Variants in ASNS observed in about 807,000 individuals in gnomAD.
The protein encoded by ASNS is asparagine synthetase (glutamine-hydrolyzing), also known as asparagine synthetase [glutamine-hydrolyzing].
ASNS carries 37 observed loss-of-function variants against 62.6 expected under a neutral mutation model. The observed-to-expected ratio is 0.59, with a 90% CI of 0.45 to 0.78. ASNS has a LOEUF of 0.78. Ranked by LOEUF, ASNS falls within the 30% of genes least tolerant of loss-of-function variation. The pLI is 0.00. For synonymous variants in ASNS, 207 were observed against 237.9 expected, an observed-to-expected ratio of 0.87 and a Z score of 1.19; for missense variants, 520 against 682.4, an observed-to-expected ratio of 0.76 and a Z score of 2.65.
At chr7:97,868,519 A>ATGTGTG (rs61611439) in intron 3 of ASNS, among the ~76,000 whole-genome samples, 11,660 of 122,906 alleles carry the variant, frequency 0.095, 486 homozygotes, top group East Asian at 0.14. Flanking sequence ...CAGCAAAAAC[A>ATGTGTG]TGTGTGTGTG....
the ASNS span, among the ~76,000 whole-genome samples, chr7:97,886,474 C>A: frequency 1.3e-5 from 2 of 152,188 alleles, no homozygotes; most frequent in Admixed American, 6.5e-5. Context: ...TACCTGCTCC[C>A]TTCACCAGGA....
chr7:97,902,743 C>CA, the ASNS span, among the ~76,000 whole-genome samples: 3 of 151,986 alleles, frequency 2.0e-5, no homozygotes, highest in African/African-American at 7.3e-5. Flanking sequence ...ACAACAACAA[C>CA]AAAAAACTGA....
chr7:97,926,524 A>G, the ASNS span, among the ~76,000 whole-genome samples: 649 of 152,278 alleles, frequency 4.3e-3, 6 homozygotes, highest in East Asian at 0.042. Context: ...ACACTTCTTC[A>G]TGGGTTCTTC....
chr7:97,902,387 A>G, the ASNS span, among the ~76,000 whole-genome samples: 1 of 152,194 alleles, frequency 6.6e-6, no homozygotes, highest in Non-Finnish European at 1.5e-5. Flanking sequence ...ATGTGCACAT[A>G]GAAGAGGTCA....
At chr7:97,878,716 G>T in the ASNS span, among the ~76,000 whole-genome samples, 1 of 152,158 alleles carries the variant, frequency 6.6e-6, no homozygotes, top group African/African-American at 2.4e-5. Context: ...TGGCCATACT[G>T]CCCAAGGTAA....
At position 97,855,336 on chromosome 7, in the gene ASNS, C is replaced by T. The variant is rs200681191; in HGVS notation, c.1137+17G>A. 246 of 1,544,744 alleles carry T rather than the reference C, an allele frequency of 1.6e-4. No homozygotes were observed. Among genetic ancestry groups the T allele is most frequent in the Non-Finnish European group, 2.1e-4 (232 of 1,119,922 alleles). On this transcript the variant is annotated intron_variant, in intron 9 of 12. Coordinates refer to ENST00000394308, the MANE Select transcript of ASNS (RefSeq NM_001673.5). ...TCTTAATATAGCATGAATATCCCTC[C>T]ACTTCAGAGTGGTTACCTTGTGAAA...
At chr7:97,892,681 G>A in the ASNS span, among the ~76,000 whole-genome samples, 11 of 152,114 alleles carry the variant, frequency 7.2e-5, no homozygotes, top group African/African-American at 2.7e-4. Context: ...TACAGCAGGG[G>A]CAAAAAGCCA....
the ASNS span, among the ~76,000 whole-genome samples, chr7:97,886,410 G>T: frequency 6.6e-5 from 10 of 152,110 alleles, no homozygotes. Context: ...GCCTCCGAAA[G>T]TGCTGGGATT....
chr7:97,916,915 A>C, the ASNS span, among the ~76,000 whole-genome samples: 69 of 152,324 alleles, frequency 4.5e-4, 2 homozygotes, highest in East Asian at 0.012. Flanking sequence ...AGACAGGAGC[A>C]CACAGGTGCT....
intron 3 of ASNS, 122 bp downstream of exon 3, chr7:97,868,786 T>A: frequency 1.4e-6 from 2 of 1,386,678 alleles, no homozygotes; most frequent in East Asian, 2.3e-5. Flanking sequence ...TTAGAGCAAA[T>A]GAGATAACGA....
chr7:97,852,963 A>G lies in ASNS; in HGVS notation c.1476+97T>C, dbSNP rs1791254993. On this transcript the variant is annotated intron_variant, in intron 12 of 12. Coordinates refer to ENST00000394308, the MANE Select transcript of ASNS (RefSeq NM_001673.5). The stretch of plus-strand genomic sequence containing the variant: ...TAAATACATGTATCATTCAAACTAA[A>G]TACATGTATCATTCAAACTAAATAC... The G allele has an allele frequency of 4.2e-6, 5 of 1,199,044 alleles. No homozygotes were observed. The East Asian group carries it at 1.2e-4, about 30-fold the overall frequency. The allele number at this position is 1,199,044 out of a possible 1,614,324, so 74.3% of individuals were successfully genotyped here. A position where few individuals can be genotyped will look rare whatever the true frequency, so the allele number is the denominator to read the frequency against.
At chr7:97,883,891 G>A in the ASNS span, among the ~76,000 whole-genome samples, 1 of 151,526 alleles carries the variant, frequency 6.6e-6, no homozygotes, top group African/African-American at 2.4e-5. Context: ...GGGAGACTGA[G>A]GCAGGAGAAT....
intron 1 of ASNS, chr7:97,870,289 C>A: frequency 1.8e-6 from 1 of 570,604 alleles, no homozygotes; most frequent in Non-Finnish European, 3.1e-6. Context: ...ATGGATACAC[C>A]AAAAACAAGA....
chr7:97,913,706 C>G, the ASNS span, among the ~76,000 whole-genome samples: 1 of 150,958 alleles, frequency 6.6e-6, no homozygotes, highest in African/African-American at 2.4e-5. Context: ...GAATCAGATT[C>G]CAGAAACCAT....
At chr7:97,914,890 TG>T in the ASNS span, among the ~76,000 whole-genome samples, 1 of 152,014 alleles carries the variant, frequency 6.6e-6, no homozygotes, top group Non-Finnish European at 1.5e-5. Flanking sequence ...GCTGTAGTAA[TG>T]GGGAAAAATT....
At chr7:97,899,009 T>A in the ASNS span, 4 of 715,888 alleles carry the variant, frequency 5.6e-6, no homozygotes, top group Admixed American at 3.7e-5. Context: ...ATATTGAACA[T>A]AGGAGGTGCT....
chr7:97,868,490 A>C (rs1365718413), intron 3 of ASNS, among the ~76,000 whole-genome samples: 2 of 150,196 alleles, frequency 1.3e-5, no homozygotes, highest in Non-Finnish European at 2.9e-5. Context: ...TAATATCTGC[A>C]CTGTACTCTC....
At chr7:97,893,774 T>C in the ASNS span, among the ~76,000 whole-genome samples, 2 of 152,214 alleles carry the variant, frequency 1.3e-5, no homozygotes, top group African/African-American at 4.8e-5. Flanking sequence ...AATACAATGA[T>C]AGTTGAGAAC....
upstream of ASNS, among the ~76,000 whole-genome samples, chr7:97,874,271 G>C (rs1230567190): frequency 1.3e-5 from 2 of 152,182 alleles, no homozygotes; most frequent in Non-Finnish European, 2.9e-5. Context: ...GCTCACCGGC[G>C]GTCAGAGTTT....
Sources: allele counts gnomAD v4.1 joint callset (sites outside exome capture counted in the v4.1 genomes callset), GRCh38; gene constraint gnomAD v4.1.1; transcripts MANE v1.5; gene names NCBI Gene and HGNC (gene_info 2026-07-23, HGNC 2026-07-21).